Variants in SNX29 observed in about 807,000 individuals in gnomAD.
The protein encoded by SNX29 is sorting nexin-29.
In SNX29, 78 loss-of-function variants were observed where a neutral mutation model predicts 102.1. The observed-to-expected ratio is 0.76, with a 90% CI of 0.64 to 0.92. The LOEUF is 0.92. Among genes scored for constraint, SNX29 ranks in the 40% least tolerant of loss-of-function variants. The pLI, the probability that SNX29 is intolerant of heterozygous loss-of-function variation, is 0.00. For missense variants in SNX29, 1,280 were observed against 1,061.7 expected (o/e 1.21, Z -2.86); for synonymous variants, 580 against 414.5 (o/e 1.40, Z -4.85).
chr16:12,543,565 G>A (rs1463323950), intron 20 of SNX29, among the ~76,000 whole-genome samples: 3 of 152,222 alleles, frequency 2.0e-5, no homozygotes, highest in African/African-American at 7.2e-5. Flanking sequence ...TGAGCCACGA[G>A]ATCACGCTTC....
intron 19 of SNX29, among the ~76,000 whole-genome samples, chr16:12,512,086 C>T (rs959241463): frequency 6.6e-6 from 1 of 151,898 alleles, no homozygotes; most frequent in African/African-American, 2.4e-5. Flanking sequence ...GATGTCTCAA[C>T]AGATGAGGCC....
intron 15 of SNX29, among the ~76,000 whole-genome samples, chr16:12,351,360 A>G (rs1387768918): frequency 6.6e-6 from 1 of 150,580 alleles, no homozygotes; most frequent in African/African-American, 2.5e-5. Context: ...TGAGTTTTAT[A>G]AAACGTAACA....
chr16:12,170,707 A>G (rs2076128474), intron 13 of SNX29, among the ~76,000 whole-genome samples: 1 of 151,704 alleles, frequency 6.6e-6, no homozygotes, highest in Non-Finnish European at 1.5e-5. Flanking sequence ...ACGGTCCCAG[A>G]GAAGGGGTTC....
chr16:12,087,381 C>T (rs1013931867), intron 11 of SNX29: 14 of 165,962 alleles, frequency 8.4e-5, no homozygotes, highest in Admixed American at 6.1e-4. Context: ...CGTGCCACTG[C>T]ACTCCAGCCT....
Position 12,048,382 on chromosome 16 carries a change from C to G in SNX29, c.510C>G (p.Ser170=). 6.2e-7 allele frequency: 1 copy of G among 1,613,922 alleles called. No homozygotes were observed. Among genetic ancestry groups the G allele is most frequent in the East Asian group, 2.2e-5 (1 of 44,876 alleles). The change falls in exon 7 of 21, where the codon TCC becomes TCG. Residue 170 remains serine, a synonymous_variant. Coordinates refer to ENST00000566228, the MANE Select transcript of SNX29 (RefSeq NM_032167.5). Reference sequence around the variant, plus strand: ...CCTTTTTTTGGGCAGGTCTGAACTCCATACTCTTTGCGATTAACATCGACA... The same window carrying G: ...CCTTTTTTTGGGCAGGTCTGAACTCGATACTCTTTGCGATTAACATCGACA... ...MLPTMAAGLN[S]ILFAINIDNK...
intron 19 of SNX29, among the ~76,000 whole-genome samples, chr16:12,522,966 G>A (rs772947849): frequency 6.6e-5 from 10 of 152,128 alleles, no homozygotes; most frequent in South Asian, 4.1e-4. Context: ...GCACACCACC[G>A]TGCCCGGCTA....
intron 13 of SNX29, among the ~76,000 whole-genome samples, chr16:12,175,593 G>T (rs1567279380): frequency 6.6e-6 from 1 of 151,868 alleles, no homozygotes; most frequent in East Asian, 1.9e-4. Flanking sequence ...AGAGGTTTCA[G>T]TGAGCCGAGA....
intron 15 of SNX29, among the ~76,000 whole-genome samples, chr16:12,332,776 C>A (rs956353103): frequency 6.6e-6 from 1 of 152,122 alleles, no homozygotes; most frequent in African/African-American, 2.4e-5. Context: ...TTCTTCTGGC[C>A]TCTGGTCTCC....
intron 18 of SNX29, among the ~76,000 whole-genome samples, chr16:12,446,712 A>G (rs2086071787): frequency 6.6e-6 from 1 of 152,202 alleles, no homozygotes; most frequent in Non-Finnish European, 1.5e-5. Context: ...AACACTTAAC[A>G]TGGATGAGGA....
intron 13 of SNX29, among the ~76,000 whole-genome samples, chr16:12,171,074 T>C (rs899602648): frequency 6.6e-6 from 1 of 152,002 alleles, no homozygotes; most frequent in Non-Finnish European, 1.5e-5. Context: ...GGCCCGGTGC[T>C]TGTTTGCGGT....
intron 16 of SNX29, among the ~76,000 whole-genome samples, chr16:12,380,984 T>C (rs1285668509): frequency 1.6e-5 from 1 of 61,200 alleles, no homozygotes; most frequent in African/African-American, 8.1e-5. Flanking sequence ...CCACCATCCA[T>C]CCATCCACCC....
chr16:12,268,821 G>A (rs915355615), intron 14 of SNX29, among the ~76,000 whole-genome samples: 2 of 152,108 alleles, frequency 1.3e-5, no homozygotes, highest in African/African-American at 2.4e-5. Context: ...TTGCCATGCC[G>A]CTCTCCATGG....
At chr16:12,193,014 T>C (rs574342199) in intron 13 of SNX29, among the ~76,000 whole-genome samples, 155 of 152,132 alleles carry the variant, frequency 1.0e-3, no homozygotes, top group African/African-American at 3.6e-3. Flanking sequence ...AAAAATTTTT[T>C]TGTAGAGATG....
chr16:12,535,502 C>T (rs1249148957), intron 20 of SNX29, among the ~76,000 whole-genome samples: 1 of 152,144 alleles, frequency 6.6e-6, no homozygotes, highest in South Asian at 2.1e-4. Flanking sequence ...GATGAGGAAA[C>T]TGAGTCTCAC....
chr16:12,131,792 C>G (rs923842229), intron 13 of SNX29, among the ~76,000 whole-genome samples: 13 of 152,148 alleles, frequency 8.5e-5, no homozygotes, highest in African/African-American at 2.9e-4. Context: ...GTGAATGGCT[C>G]TAATGTAATT....
At position 12,570,640 on chromosome 16, in the gene SNX29, C is replaced by A. The variant is rs558717653; in HGVS notation, c.*2011C>A. On this transcript the variant is annotated 3_prime_UTR_variant, in exon 21 of 21. Transcript: ENST00000566228. ...CTCTGTTGGATAAAGGAACCTCCCC[C>A]ATCTGTGACATTCCCTTGGGCCCAG... 8.6e-6 allele frequency: 2 copies of A among 232,216 alleles called. No individual in the cohort carries two copies. The highest frequency in any genetic ancestry group is 6.1e-5 in the East Asian group (1 of 16,460). The allele number at this position is 232,216 out of a possible 1,614,324, so 14.4% of individuals were successfully genotyped here.
intron 11 of SNX29, among the ~76,000 whole-genome samples, chr16:12,116,145 G>T (rs746516075): frequency 6.6e-6 from 1 of 152,216 alleles, no homozygotes; most frequent in South Asian, 2.1e-4. Context: ...AAACAGTTTG[G>T]TGGATCCTTA....
At chr16:12,538,084 C>T (rs916355816) in intron 20 of SNX29, among the ~76,000 whole-genome samples, 2 of 140,568 alleles carry the variant, frequency 1.4e-5, no homozygotes, top group African/African-American at 5.0e-5. Flanking sequence ...TCTCAGTGGG[C>T]TAAGCAAATT....
chr16:12,432,688 C>T (rs1027881343), intron 18 of SNX29, among the ~76,000 whole-genome samples: 1 of 152,198 alleles, frequency 6.6e-6, no homozygotes, highest in South Asian at 2.1e-4. Flanking sequence ...CTGTCTAGGT[C>T]CATGCCTTCA....
Sources: gnomAD v4.1 joint callset for allele counts (sites outside exome capture counted in the v4.1 genomes callset) on GRCh38, gnomAD v4.1.1 for gene constraint, MANE v1.5 for transcripts, NCBI Gene and HGNC (gene_info 2026-07-23, HGNC 2026-07-21) for gene names.